RGS3: variants seen among roughly 807,000 people sequenced by gnomAD.
The protein encoded by RGS3 is regulator of G protein signaling 3, also known as regulator of G-protein signalling 3.
Under a neutral mutation model 132.6 loss-of-function variants are expected in RGS3, and 80 were observed. That is an observed-to-expected ratio of 0.60 (90% CI 0.50 to 0.73). RGS3 has a LOEUF of 0.73. Among genes scored for constraint, RGS3 ranks in the 30% least tolerant of loss-of-function variants. RGS3 has a pLI of 0.00. For missense variants in RGS3, 1,382 were observed against 1,530.8 expected (o/e 0.90, Z 1.62); for synonymous variants, 598 against 620.6 (o/e 0.96, Z 0.54).
At chr9:113,508,490 G>C in intron 13 of RGS3, 51 bp from the exon 12 acceptor site, 1 of 1,609,702 alleles carries the variant, frequency 6.2e-7, no homozygotes, top group Non-Finnish European at 8.5e-7. Flanking sequence ...CTCCTGGGCT[G>C]TCCTGCCCTG....
chr9:113,536,646 G>T, intron 18 of RGS3, 150 bp from the exon 17 acceptor site: 1 of 1,482,310 alleles, frequency 6.7e-7, no homozygotes, highest in South Asian at 1.3e-5. Flanking sequence ...AATGTCACTG[G>T]GGATTAGTGT....
At chr9:113,527,589 G>A (rs531624107) in intron 17 of RGS3, among the ~76,000 whole-genome samples, 9 of 152,316 alleles carry the variant, frequency 5.9e-5, no homozygotes, top group African/African-American at 7.2e-5. Context: ...CCCTAAGTCC[G>A]AAGTGAACCC....
chr9:113,522,819 G>A, intron 16 of RGS3, 111 bp from the exon 15 acceptor site: 1 of 760,210 alleles, frequency 1.3e-6, no homozygotes, highest in Non-Finnish European at 2.4e-6. Context: ...GAGATGATGA[G>A]GATGCATTAT....
At chr9:113,484,462 C>T (rs1830267926) in intron 6 of RGS3, among the ~76,000 whole-genome samples, 1 of 152,036 alleles carries the variant, frequency 6.6e-6, no homozygotes, top group African/African-American at 2.4e-5. Context: ...GATAAGGTAT[C>T]ACTTGGCTAG....
intron 19 of RGS3, among the ~76,000 whole-genome samples, chr9:113,543,659 GCTCAT>G (rs376664697): frequency 2.6e-5 from 4 of 152,326 alleles, no homozygotes; most frequent in African/African-American, 9.6e-5. Flanking sequence ...AAGGCAGCAA[GCTCAT>G]CTCTCCTGGA....
At chr9:113,495,927 G>A in intron 8 of RGS3, 81 bp downstream of exon 6, 3 of 1,249,600 alleles carry the variant, frequency 2.4e-6, no homozygotes, top group Non-Finnish European at 1.2e-6. Context: ...GTCAGCTCTT[G>A]GGCAGGGCTT....
chr9:113,584,803 A>G (rs937300578), intron 20 of RGS3, among the ~76,000 whole-genome samples: 2 of 152,272 alleles, frequency 1.3e-5, no homozygotes, highest in Non-Finnish European at 2.9e-5. Flanking sequence ...CACAATGACA[A>G]CACACATTTA....
At chr9:113,451,528 A>G (rs1322636189) in intron 1 of RGS3, among the ~76,000 whole-genome samples, 4 of 152,140 alleles carry the variant, frequency 2.6e-5, no homozygotes, top group South Asian at 4.1e-4. Context: ...TAGACTACAC[A>G]TATCTATATT....
intron 8 of RGS3, among the ~76,000 whole-genome samples, chr9:113,496,154 C>G (rs917824682): frequency 1.3e-5 from 2 of 152,208 alleles, no homozygotes; most frequent in African/African-American, 4.8e-5. Context: ...GCCCAGAGCA[C>G]TCCTGGGCCT....
intron 3 of RGS3, among the ~76,000 whole-genome samples, chr9:113,470,927 T>C (rs1167479209): frequency 6.6e-6 from 1 of 152,210 alleles, no homozygotes; most frequent in Non-Finnish European, 1.5e-5. Context: ...ATTGTGATAC[T>C]GTACCCTAGC....
chr9:113,570,562 C>T (rs1834239709), intron 19 of RGS3, among the ~76,000 whole-genome samples: 1 of 152,158 alleles, frequency 6.6e-6, no homozygotes, highest in Non-Finnish European at 1.5e-5. Context: ...TACCCCCATC[C>T]AGGTCAAGAA....
chr9:113,582,142 T>A, intron 19 of RGS3: 1 of 985,460 alleles, frequency 1.0e-6, no homozygotes, highest in Non-Finnish European at 1.2e-6. Flanking sequence ...GAACACTGAC[T>A]CCCAGCTGTG....
Position 113,485,752 on chromosome 9 carries a change from G to A in RGS3, c.689+59G>A, listed in dbSNP as rs1408826360. Reference sequence around the variant, plus strand: ...GCTCTGGGCTAGTGGGTGACAGCCAGGTGGCCAGCATACACCAGGGGTTCG... The same window carrying A: ...GCTCTGGGCTAGTGGGTGACAGCCAAGTGGCCAGCATACACCAGGGGTTCG... On this transcript the variant is annotated intron_variant, in intron 7 of 24. Transcript: ENST00000350696. The A allele has an allele frequency of 4.6e-6, 6 of 1,312,330 alleles. No homozygotes were observed. The Admixed American group carries it at 6.0e-5, about 13-fold the overall frequency. 81.3% of individuals were successfully genotyped at this position (1,312,330 alleles called of 1,614,324 possible).
intron 1 of RGS3, among the ~76,000 whole-genome samples, chr9:113,447,316 G>GATATAT (rs1829124256): frequency 3.8e-5 from 1 of 26,008 alleles, no homozygotes; most frequent in Admixed American, 6.9e-4. Flanking sequence ...AATAAATTCT[G>GATATAT]ATGTATGTAT....
chr9:113,462,232 G>GGA (rs754335109), intron 3 of RGS3: 1 of 1,522,284 alleles, frequency 6.6e-7, no homozygotes, highest in East Asian at 2.6e-5. Context: ...CTTGAGGCTA[G>GGA]GAGAGTGGAC....
chr9:113,558,672 G>A (rs910486609), intron 19 of RGS3, among the ~76,000 whole-genome samples: 9 of 152,136 alleles, frequency 5.9e-5, no homozygotes, highest in African/African-American at 2.2e-4. Flanking sequence ...TTAAATCAGG[G>A]CTCCTTAAGC....
intron 20 of RGS3, chr9:113,589,841 C>T (rs528383149): frequency 1.3e-5 from 2 of 152,338 alleles, no homozygotes; most frequent in East Asian, 1.9e-4. Flanking sequence ...AAGTGGCTGT[C>T]ACTATGCCTA....
Position 113,584,363 on chromosome 9 carries a change from AAG to A in RGS3, c.2954_2955del (p.Glu985AlafsTer25). The A allele has an allele frequency of 6.4e-7, 1 of 1,568,076 alleles. No homozygotes were observed. Among genetic ancestry groups the A allele is most frequent in the Non-Finnish European group, 8.6e-7 (1 of 1,163,048 alleles). On this transcript the variant is annotated frameshift_variant, in exon 20 of 25. Coordinates refer to ENST00000350696, the Ensembl canonical transcript of RGS3. LOFTEE classifies it high-confidence loss of function. ...ATGCCTTCGCCCAGCACCCTCAAGA[AAG>A]AGCTGGGCCGCAATGGTGGCTCCAT...
chr9:113,539,189 G>A (rs11999161), intron 19 of RGS3, among the ~76,000 whole-genome samples: 1,907 of 152,246 alleles, frequency 0.013, 38 homozygotes, highest in African/African-American at 0.044. Flanking sequence ...TGGCAGCCTC[G>A]GGGTGACCAG....
Sources: gnomAD v4.1 joint callset for allele counts (sites outside exome capture counted in the v4.1 genomes callset) on GRCh38, gnomAD v4.1.1 for gene constraint, MANE v1.5 for transcripts, NCBI Gene and HGNC (gene_info 2026-07-23, HGNC 2026-07-21) for gene names.